Variants in EEA1 observed in about 807,000 individuals in gnomAD.
EEA1 encodes the protein early endosome antigen 1, 162kD.
Under a neutral mutation model 209.2 loss-of-function variants are expected in EEA1, and 111 were observed. The ratio of observed to expected loss-of-function variants is 0.53; its 90% confidence interval spans 0.45 to 0.62. The LOEUF (loss-of-function observed/expected upper bound fraction) is 0.62. Ranked by LOEUF, EEA1 falls within the 20% of genes least tolerant of loss-of-function variation. EEA1 has a pLI of 0.00. For synonymous variants in EEA1, 536 were observed against 540.6 expected, an observed-to-expected ratio of 0.99 and a Z score of 0.12; for missense variants, 1,343 against 1,530.8, an observed-to-expected ratio of 0.88 and a Z score of 2.05.
At chr12:92,812,210 T>A (rs1329644629) in intron 16 of EEA1, among the ~76,000 whole-genome samples, 2 of 152,020 alleles carry the variant, frequency 1.3e-5, no homozygotes, top group East Asian at 1.9e-4. Context: ...ATGCTTGTAA[T>A]CCCAGCTACT....
intron 10 of EEA1, among the ~76,000 whole-genome samples, chr12:92,837,717 A>C (rs993651418): frequency 3.9e-5 from 6 of 152,228 alleles, no homozygotes; most frequent in African/African-American, 1.4e-4. Flanking sequence ...ATTATAAAAC[A>C]CTGGTTTAAA....
intron 23 of EEA1, among the ~76,000 whole-genome samples, chr12:92,780,869 T>C (rs948204438): frequency 1.3e-5 from 2 of 152,174 alleles, no homozygotes; most frequent in Non-Finnish European, 2.9e-5. Flanking sequence ...AGCAAGTCTG[T>C]ATGATCTAAA....
At chr12:92,787,796 T>C in intron 22 of EEA1, 71 bp downstream of exon 22, 1 of 1,229,680 alleles carries the variant, frequency 8.1e-7, no homozygotes. Flanking sequence ...CCCATTTGGA[T>C]TCAAATAGAT....
At chr12:92,880,908 C>T (rs1879111198) in intron 2 of EEA1, among the ~76,000 whole-genome samples, 1 of 152,096 alleles carries the variant, frequency 6.6e-6, no homozygotes, top group Non-Finnish European at 1.5e-5. Context: ...CTGAAAGATA[C>T]AGAGGGGAAG....
At chr12:92,801,305 C>A (rs916073759) in intron 20 of EEA1, among the ~76,000 whole-genome samples, 1 of 151,560 alleles carries the variant, frequency 6.6e-6, no homozygotes, top group African/African-American at 2.4e-5. Context: ...CAATTTTCTA[C>A]CTTTATTAAT....
chr12:92,791,181 A>G lies in EEA1; in HGVS notation c.2968-3132T>C, dbSNP rs1269318863. On this transcript the variant is annotated intron_variant, in intron 21 of 28. Coordinates refer to ENST00000322349, the MANE Select transcript of EEA1 (RefSeq NM_003566.4). The stretch of plus-strand genomic sequence containing the variant: ...CCACTGCAAAAACAGGCCAAATTGT[A>G]AAGACCATTGATGCTATGAAGAAAC... 2.0e-5 allele frequency among the ~76,000 whole-genome samples: 3 copies of G among 152,376 alleles called. No individual in the cohort carries two copies. The East Asian group carries it at 5.8e-4, about 29-fold the overall frequency.
rs538612012 is a variant in EEA1, at chr12:92,926,285, A to T, written c.24+2758T>A. Among the ~76,000 whole-genome samples, 15 of 152,180 alleles carry T rather than the reference A, an allele frequency of 9.9e-5. No homozygotes were observed. The South Asian group carries it at 2.9e-3, about 29-fold the overall frequency. On this transcript the variant is annotated intron_variant, in intron 1 of 28. Transcript: ENST00000322349. ...TGGGATTACAGGAATGAGCCACTGC[A>T]CCCAGCCAAGGAATGCCACATAATT... is the stretch of plus-strand genomic sequence containing the variant.
chr12:92,852,262 A>T lies in EEA1; in HGVS notation c.555T>A (p.Leu185=), dbSNP rs767988450. Residue 185 remains leucine, a synonymous_variant, in exon 8 of 29, where the codon CTT becomes CTA. Transcript: ENST00000322349. ...TCACTTTTTGTTCAGCAGCTTCTCG[A>T]AGACTCCTTTCTTCATCATACTTTG... ...IKSKYDEERS[L]REAAEQKVTR... The T allele has an allele frequency of 7.5e-6, 12 of 1,599,288 alleles. No individual in the cohort carries two copies. Among genetic ancestry groups the T allele is most frequent in the Non-Finnish European group, 1.0e-5 (12 of 1,172,818 alleles).
chr12:92,907,037 A>T (rs928422338), intron 1 of EEA1, among the ~76,000 whole-genome samples: 5 of 151,998 alleles, frequency 3.3e-5, no homozygotes, highest in East Asian at 1.9e-4. Flanking sequence ...TACTATTAAG[A>T]GCTAAAAACG....
intron 1 of EEA1, among the ~76,000 whole-genome samples, chr12:92,913,986 G>A (rs1473747813): frequency 2.0e-5 from 3 of 152,130 alleles, no homozygotes; most frequent in Non-Finnish European, 4.4e-5. Flanking sequence ...TAATCCTTCA[G>A]TTAATTTGAG....
chr12:92,836,174 G>T (rs759007010), intron 10 of EEA1, among the ~76,000 whole-genome samples: 1 of 152,128 alleles, frequency 6.6e-6, no homozygotes, highest in South Asian at 2.1e-4. Context: ...TAGAATCATG[G>T]ATTATGATTC....
intron 10 of EEA1, among the ~76,000 whole-genome samples, chr12:92,839,723 A>AT (rs1169868137): frequency 9.9e-5 from 15 of 152,184 alleles, no homozygotes; most frequent in Non-Finnish European, 2.1e-4. Flanking sequence ...TTACTTTTAA[A>AT]TTTCGATATG....
At chr12:92,893,331 G>C (rs541448912) in intron 1 of EEA1, among the ~76,000 whole-genome samples, 17 of 152,292 alleles carry the variant, frequency 1.1e-4, no homozygotes, top group African/African-American at 3.8e-4. Flanking sequence ...TAGAGACTAA[G>C]TAAATTGCCC....
chr12:92,820,538 C>G (rs1454115605), intron 13 of EEA1, among the ~76,000 whole-genome samples: 1 of 152,072 alleles, frequency 6.6e-6, no homozygotes, highest in African/African-American at 2.4e-5. Flanking sequence ...CAGGCCTAAG[C>G]TTCTTTCCAT....
At chr12:92,889,156 TAAA>T (rs200345829) in intron 2 of EEA1, among the ~76,000 whole-genome samples, 1 of 130,942 alleles carries the variant, frequency 7.6e-6, no homozygotes, top group Non-Finnish European at 1.7e-5. Flanking sequence ...TCAAAAACAT[TAAA>T]AAAAAAAAAA....
chr12:92,778,526 T>C (rs1342814522), intron 25 of EEA1, among the ~76,000 whole-genome samples: 1 of 152,006 alleles, frequency 6.6e-6, no homozygotes. Context: ...TCGTCCCAAT[T>C]CCATATGCTT....
intron 1 of EEA1, among the ~76,000 whole-genome samples, chr12:92,914,352 T>C (rs1228486300): frequency 6.6e-6 from 1 of 152,178 alleles, no homozygotes; most frequent in Non-Finnish European, 1.5e-5. Context: ...CTGTGACTAT[T>C]TTTATACCAG....
chr12:92,828,332 T>C (rs973206989), intron 11 of EEA1, among the ~76,000 whole-genome samples: 3 of 152,140 alleles, frequency 2.0e-5, no homozygotes, highest in African/African-American at 7.2e-5. Flanking sequence ...ATGCAGGTTC[T>C]TGTTTGGATA....
At chr12:92,777,502 T>G (rs4760496) in intron 27 of EEA1, 41 bp downstream of exon 27, 457,670 of 1,565,234 alleles carry the variant, frequency 0.29, 72,530 homozygotes, top group Non-Finnish European at 0.33. Context: ...AATAAGCCAA[T>G]TCTAGACTAA....
Sources: allele counts gnomAD v4.1 joint callset (sites outside exome capture counted in the v4.1 genomes callset), GRCh38; gene constraint gnomAD v4.1.1; transcripts MANE v1.5; gene names NCBI Gene and HGNC (gene_info 2026-07-23, HGNC 2026-07-21).